Variants in LPP observed in about 807,000 individuals in gnomAD.
LPP encodes the protein LIM domain containing preferred translocation partner in lipoma, also known as lipoma-preferred partner.
Under a neutral mutation model 60.4 loss-of-function variants are expected in LPP, and 38 were observed. The ratio of observed to expected loss-of-function variants is 0.63; its 90% CI spans 0.49 to 0.83. The LOEUF (loss-of-function observed/expected upper bound fraction) is 0.83. LPP is among the 40% of genes least tolerant of loss of function. The probability of loss-of-function intolerance (pLI) is 0.00; values close to 1 mark genes in which losing one functional copy is unlikely to be tolerated. For synonymous variants in LPP, 328 were observed against 290.8 expected (o/e 1.13, Z -1.30); for missense variants, 902 against 783.6 (o/e 1.15, Z -1.80).
intron 5 of LPP, among the ~76,000 whole-genome samples, chr3:188,520,341 A>C (rs1818529901): frequency 6.6e-6 from 1 of 152,202 alleles, no homozygotes; most frequent in Non-Finnish European, 1.5e-5. Context: ...AGCTCTGCAC[A>C]GGTGTGACCT....
intron 1 of LPP, among the ~76,000 whole-genome samples, chr3:188,214,186 A>G (rs1712547569): frequency 6.6e-6 from 1 of 151,556 alleles, no homozygotes; most frequent in Admixed American, 6.6e-5. Flanking sequence ...GCTGGAGTGC[A>G]ATGGCGCGAT....
chr3:188,354,766 C>G (rs1253719929), intron 3 of LPP, among the ~76,000 whole-genome samples: 1 of 152,158 alleles, frequency 6.6e-6, no homozygotes, highest in Non-Finnish European at 1.5e-5. Flanking sequence ...AATCAGTTTA[C>G]AGTGAATAAC....
chr3:188,157,194 T>C (rs573967650), intron 1 of LPP, among the ~76,000 whole-genome samples: 3 of 152,188 alleles, frequency 2.0e-5, no homozygotes, highest in Non-Finnish European at 4.4e-5. Flanking sequence ...TAAAACACTT[T>C]CCAATCAGAT....
At chr3:188,446,452 T>C (rs1795255630) in intron 4 of LPP, among the ~76,000 whole-genome samples, 1 of 152,246 alleles carries the variant, frequency 6.6e-6, no homozygotes, top group African/African-American at 2.4e-5. Context: ...TTGGTTACTG[T>C]GTATGTCATT....
chr3:188,286,343 A>G lies in LPP; in HGVS notation c.-66-55320A>G, dbSNP rs143895703. 8.9e-4 allele frequency among the ~76,000 whole-genome samples: 135 copies of G among 152,208 alleles called. 1 individual carries two copies. The highest frequency in any genetic ancestry group is 3.1e-3 in the African/African-American group (127 of 41,524). On this transcript the variant is annotated intron_variant, in intron 2 of 11. Transcript: ENST00000617246. Reference sequence around the variant, plus strand: ...GGATATTTTAGGTTTGAGTGACTCAACATGCTTATGACCCAGAGGATGCTG... The same window carrying G: ...GGATATTTTAGGTTTGAGTGACTCAGCATGCTTATGACCCAGAGGATGCTG...
At chr3:188,561,641 GATC>G (rs943787983) in intron 6 of LPP, among the ~76,000 whole-genome samples, 3 of 152,004 alleles carry the variant, frequency 2.0e-5, no homozygotes, top group African/African-American at 7.2e-5. Flanking sequence ...CATTGAAGTA[GATC>G]ATTTCTAAGG....
intron 2 of LPP, among the ~76,000 whole-genome samples, chr3:188,232,568 G>C (rs1720477697): frequency 7.2e-6 from 1 of 139,412 alleles, no homozygotes; most frequent in South Asian, 2.2e-4. Flanking sequence ...TGGTTAGGCT[G>C]GTCTTGAACT....
chr3:188,177,871 G>A (rs1723535785), intron 1 of LPP, among the ~76,000 whole-genome samples: 1 of 152,218 alleles, frequency 6.6e-6, no homozygotes, highest in Non-Finnish European at 1.5e-5. Context: ...AACTTTGACA[G>A]TTGCTGCCCG....
intron 2 of LPP, among the ~76,000 whole-genome samples, chr3:188,300,534 G>A (rs1326493797): frequency 6.7e-6 from 1 of 150,046 alleles, no homozygotes; most frequent in South Asian, 2.1e-4. Flanking sequence ...TATTGAATTG[G>A]AGTTTAGCAG....
At chr3:188,605,880 TC>T (rs980343400) in intron 6 of LPP, among the ~76,000 whole-genome samples, 34 of 152,196 alleles carry the variant, frequency 2.2e-4, no homozygotes, top group Admixed American at 2.2e-3. Flanking sequence ...CCAATGGTTC[TC>T]AACTAGAGAG....
chr3:188,221,060 C>T (rs1156282593), intron 1 of LPP, among the ~76,000 whole-genome samples: 1 of 152,184 alleles, frequency 6.6e-6, no homozygotes, highest in Admixed American at 6.5e-5. Flanking sequence ...ACATGAGATA[C>T]AAGGTCTTCC....
chr3:188,163,352 T>G (rs528222084), intron 1 of LPP, among the ~76,000 whole-genome samples: 2 of 152,222 alleles, frequency 1.3e-5, no homozygotes, highest in East Asian at 3.9e-4. Context: ...GGAGGATGCT[T>G]TGACCTGCCT....
At chr3:188,616,638 C>A (rs1159484978) in intron 7 of LPP, among the ~76,000 whole-genome samples, 1 of 151,916 alleles carries the variant, frequency 6.6e-6, no homozygotes, top group East Asian at 1.9e-4. Context: ...TTGTTGTCCA[C>A]AAAATAGGCT....
At chr3:188,714,184 A>G (rs1560104519) in intron 8 of LPP, among the ~76,000 whole-genome samples, 1 of 152,186 alleles carries the variant, frequency 6.6e-6, no homozygotes, top group Non-Finnish European at 1.5e-5. Context: ...CTATCATAAT[A>G]CATTACCATT....
intron 8 of LPP, among the ~76,000 whole-genome samples, chr3:188,754,418 CA>C (rs1347266251): frequency 6.6e-6 from 1 of 152,108 alleles, no homozygotes; most frequent in Non-Finnish European, 1.5e-5. Flanking sequence ...TTCTTTTTTT[CA>C]GCCAACTCGT....
At chr3:188,166,246 G>A (rs1719920465) in intron 1 of LPP, among the ~76,000 whole-genome samples, 1 of 151,722 alleles carries the variant, frequency 6.6e-6, no homozygotes, top group South Asian at 2.1e-4. Flanking sequence ...TCTTATCTGG[G>A]AATGCTTTAT....
At position 188,889,404 on chromosome 3, in the gene LPP, G is replaced by A. The variant is rs986254633; in HGVS notation, c.*14925G>A. The A allele has an allele frequency of 1.6e-4, 37 of 231,714 alleles. No individual in the cohort carries two copies. The highest frequency in any genetic ancestry group is 1.4e-4 in the Non-Finnish European group (16 of 117,048). 14.4% of individuals were successfully genotyped at this position (231,714 alleles called of 1,614,324 possible). On this transcript the variant is annotated 3_prime_UTR_variant, in exon 12 of 12. Coordinates refer to ENST00000617246, the MANE Select transcript of LPP (RefSeq NM_001375462.1). ...GGAGGACATGATTCCAAAAAAGATC[G>A]TTCTCAATGTGTCGTCTGACTCAAC...
intron 9 of LPP, among the ~76,000 whole-genome samples, chr3:188,827,605 C>A (rs537712104): frequency 6.6e-6 from 1 of 152,182 alleles, no homozygotes; most frequent in East Asian, 1.9e-4. Flanking sequence ...GCAACATTTC[C>A]ACAACAGGGA....
chr3:188,239,284 C>T (rs1723003627), intron 2 of LPP, among the ~76,000 whole-genome samples: 2 of 152,232 alleles, frequency 1.3e-5, no homozygotes, highest in African/African-American at 4.8e-5. Context: ...TTGTTTTCCA[C>T]ATGCAAATAT....
Sources: allele counts gnomAD v4.1 joint callset (sites outside exome capture counted in the v4.1 genomes callset), GRCh38; gene constraint gnomAD v4.1.1; transcripts MANE v1.5; gene names NCBI Gene and HGNC (gene_info 2026-07-23, HGNC 2026-07-21).